The following TANC2 variants were observed in gnomAD, a reference collection of about 807,000 sequenced individuals.
The protein encoded by TANC2 is tetratricopeptide repeat, ankyrin repeat and coiled-coil containing 2, also known as protein TANC2.
In TANC2, 26 loss-of-function variants were observed where a neutral mutation model predicts 210.5. The observed-to-expected ratio is 0.12, with a 90% CI of 0.09 to 0.17. TANC2 has a LOEUF of 0.17. Among genes scored for constraint, TANC2 ranks in the 10% least tolerant of loss-of-function variants. The pLI is 1.00. For synonymous variants in TANC2, 931 were observed against 967.1 expected (o/e 0.96, Z 0.69); for missense variants, 2,129 against 2,608.9 (o/e 0.82, Z 4.01).
At chr17:63,153,660 C>T (rs2039735689) in intron 5 of TANC2, 1 of 152,108 alleles carries the variant, frequency 6.6e-6, no homozygotes, top group Non-Finnish European at 1.5e-5. Context: ...CTGCAGGCTA[C>T]TCACTGTACA....
Position 63,038,052 on chromosome 17 carries a change from T to G in TANC2, c.67+28426T>G, listed in dbSNP as rs376734794. ...TTATGGCACTGGCCAGCACTTCTAG[T>G]ACAATGATGGCTAAGAGTCGGGGGA... On this transcript the variant is annotated intron_variant, in intron 2 of 27. Transcript: ENST00000689528. Among the ~76,000 whole-genome samples the G allele has an allele frequency of 2.0e-5, 3 of 152,136 alleles. No homozygotes were observed. In the East Asian group the frequency reaches 5.8e-4, roughly 29 times the overall value.
chr17:62,968,368 A>G (rs1346099160), intron 1 of TANC2: 1 of 152,242 alleles, frequency 6.6e-6, no homozygotes, highest in Non-Finnish European at 1.5e-5. Flanking sequence ...GATAATCTGA[A>G]AATTCATACT....
At chr17:63,281,332 G>A (rs976235955) in intron 9 of TANC2, among the ~76,000 whole-genome samples, 5 of 152,110 alleles carry the variant, frequency 3.3e-5, no homozygotes, top group Non-Finnish European at 7.4e-5. Context: ...TGGAAAGTTA[G>A]CAAGGAATTT....
intron 3 of TANC2, among the ~76,000 whole-genome samples, chr17:63,096,358 A>G (rs1481870671): frequency 1.3e-5 from 2 of 152,206 alleles, no homozygotes; most frequent in East Asian, 3.8e-4. Flanking sequence ...CCAAGGATAG[A>G]GAATAAATCC....
At chr17:63,293,995 C>T (rs902078210) in intron 9 of TANC2, among the ~76,000 whole-genome samples, 3 of 152,168 alleles carry the variant, frequency 2.0e-5, no homozygotes, top group Admixed American at 6.5e-5. Flanking sequence ...TCCTAGAGTG[C>T]TGGGATGATA....
At chr17:63,079,772 C>CAT (rs2036704341) in intron 3 of TANC2, among the ~76,000 whole-genome samples, 1 of 152,194 alleles carries the variant, frequency 6.6e-6, no homozygotes, top group South Asian at 2.1e-4. Flanking sequence ...ACCCTCTGTG[C>CAT]ATGAGGGTCC....
intron 3 of TANC2, among the ~76,000 whole-genome samples, chr17:63,081,942 GATCACGAGATCAGGAGA>G (rs2036788685): frequency 1.3e-5 from 2 of 151,158 alleles, no homozygotes; most frequent in South Asian, 5.1e-4. Context: ...AAGGCGGGTG[GATCACGAGATCAGGAGA>G]TCAAGACCAT....
At position 63,000,182 on chromosome 17, in the gene TANC2, T is replaced by C. The variant is rs189569355; in HGVS notation, c.-23-9355T>C. On this transcript the variant is annotated intron_variant, in intron 1 of 27. Transcript: ENST00000689528. ...TGTACGCCAAACCCTGTCACACGCA[T>C]TTTACCAAGAAAACAAATCTGCCCA... 2.0e-5 allele frequency among the ~76,000 whole-genome samples: 3 copies of C among 152,230 alleles called. No individual in the cohort carries two copies. In the East Asian group the frequency reaches 5.8e-4, roughly 29 times the overall value.
At chr17:63,192,495 A>G (rs568101449) in intron 5 of TANC2, among the ~76,000 whole-genome samples, 2 of 152,356 alleles carry the variant, frequency 1.3e-5, no homozygotes, top group South Asian at 2.1e-4. Context: ...CAATATGCCT[A>G]TTATTACAAG....
At chr17:63,311,764 A>G (rs915563716) in intron 9 of TANC2, among the ~76,000 whole-genome samples, 1 of 152,258 alleles carries the variant, frequency 6.6e-6, no homozygotes, top group Non-Finnish European at 1.5e-5. Context: ...AAAATATGGT[A>G]TATCCATACA....
intron 1 of TANC2, among the ~76,000 whole-genome samples, chr17:63,001,526 TTTTCTTTTTTTTTTTTCTTTTTCTTTC>T (rs1428910235): frequency 7.2e-6 from 1 of 138,764 alleles, no homozygotes. Flanking sequence ...TTTTCTTTTC[TTTTCTTTTTTTTTTTTCTTTTTCTTTC>T]TTTCTTTTTT....
At chr17:63,123,309 G>A (rs991511196) in intron 4 of TANC2, among the ~76,000 whole-genome samples, 22 of 152,184 alleles carry the variant, frequency 1.4e-4, no homozygotes, top group African/African-American at 4.6e-4. Context: ...TGTAATCCCA[G>A]CACTTTGGGA....
intron 8 of TANC2, among the ~76,000 whole-genome samples, chr17:63,247,484 A>T (rs1314228149): frequency 1.0e-5 from 1 of 95,266 alleles, no homozygotes; most frequent in African/African-American, 7.2e-5. Context: ...TCCCCTACTC[A>T]TGTTAAAAAA....
At chr17:63,169,317 A>G (rs1366299597) in intron 5 of TANC2, among the ~76,000 whole-genome samples, 1 of 152,110 alleles carries the variant, frequency 6.6e-6, no homozygotes, top group African/African-American at 2.4e-5. Context: ...TATATGTTAG[A>G]TTCAGTATTT....
intron 1 of TANC2, among the ~76,000 whole-genome samples, chr17:62,993,705 T>TA (rs1176434420): frequency 6.6e-6 from 1 of 152,134 alleles, no homozygotes; most frequent in Non-Finnish European, 1.5e-5. Context: ...GGCAGGAGGA[T>TA]TGTTTGAGGC....
At chr17:62,994,587 A>C (rs1322350994) in intron 1 of TANC2, among the ~76,000 whole-genome samples, 1 of 152,012 alleles carries the variant, frequency 6.6e-6, no homozygotes, top group African/African-American at 2.4e-5. Context: ...GCCTTTTGTC[A>C]GATGCTTTTT....
At chr17:63,022,099 G>A (rs965412885) in intron 2 of TANC2, among the ~76,000 whole-genome samples, 1 of 152,090 alleles carries the variant, frequency 6.6e-6, no homozygotes, top group African/African-American at 2.4e-5. Flanking sequence ...CCAGCACTTT[G>A]GGAGTCTGAG....
rs2041261239 is a variant in TANC2, at chr17:63,193,907, G to T, written c.434-84G>T. On this transcript the variant is annotated intron_variant, in intron 5 of 27. Coordinates refer to ENST00000689528, the Ensembl canonical transcript of TANC2. Reference sequence around the variant, plus strand: ...GTTAAAATGTGAAAACTAAAGAAATGACCAAAGTGAATGTACAAATAGTTG... The same window carrying T: ...GTTAAAATGTGAAAACTAAAGAAATTACCAAAGTGAATGTACAAATAGTTG... The T allele has an allele frequency of 2.9e-6, 4 of 1,373,412 alleles. No homozygotes were observed. The South Asian group carries it at 5.6e-5, about 19-fold the overall frequency. The allele number at this position is 1,373,412 out of a possible 1,614,324, so 85.1% of individuals were successfully genotyped here. A position where few individuals can be genotyped will look rare whatever the true frequency, so the allele number is the denominator to read the frequency against.
At chr17:63,255,510 AG>A (rs2043168561) in intron 8 of TANC2, among the ~76,000 whole-genome samples, 1 of 152,030 alleles carries the variant, frequency 6.6e-6, no homozygotes, top group African/African-American at 2.4e-5. Flanking sequence ...TGTCTATTCA[AG>A]TTTTGCATTT....
Sources: allele counts gnomAD v4.1 joint callset (sites outside exome capture counted in the v4.1 genomes callset), GRCh38; gene constraint gnomAD v4.1.1; transcripts MANE v1.5; gene names NCBI Gene and HGNC (gene_info 2026-07-23, HGNC 2026-07-21).